Variants in ADAM28 observed in about 807,000 individuals in gnomAD.
ADAM28 encodes ADAM metallopeptidase domain 28, also known as disintegrin and metalloproteinase domain-containing protein 28.
ADAM28 carries 105 observed loss-of-function variants against 101.2 expected under a neutral mutation model. That is an observed-to-expected ratio of 1.04 (90% CI 0.89 to 1.22). The LOEUF is 1.22. Among genes scored for constraint, ADAM28 ranks in the 50% most tolerant of loss-of-function variants. The pLI is 0.00. For missense variants in ADAM28, 1,028 were observed against 945.4 expected (o/e 1.09, Z -1.15); for synonymous variants, 322 against 310.6 (o/e 1.04, Z -0.39).
intron 2 of ADAM28, among the ~76,000 whole-genome samples, chr8:24,302,587 GC>G (rs1808931839): frequency 6.6e-6 from 1 of 152,122 alleles, no homozygotes; most frequent in African/African-American, 2.4e-5. Flanking sequence ...TTTCTCCACA[GC>G]CTTGCCAGCA....
At chr8:24,297,313 A>C (rs1202391575) in intron 1 of ADAM28, among the ~76,000 whole-genome samples, 1 of 152,200 alleles carries the variant, frequency 6.6e-6, no homozygotes, top group Non-Finnish European at 1.5e-5. Flanking sequence ...TAATTTCATG[A>C]AACATTGGGA....
At chr8:24,306,001 G>C (rs1809556079) in intron 2 of ADAM28, among the ~76,000 whole-genome samples, 1 of 152,104 alleles carries the variant, frequency 6.6e-6, no homozygotes, top group African/African-American at 2.4e-5. Context: ...AAAACCGCAT[G>C]ACAGGGTTGC....
rs6996616 is a variant in ADAM28, at chr8:24,313,538, C to G, written c.534C>G (p.His178Gln). The stretch of plus-strand genomic sequence containing the variant: ...GGATGGATGGTGTGTTGTGGGCCCA[C>G]GATTTGCAGCAGAACATTGCCCTAC... ...TCGMDGVLWAHDLQQNIALPA... is the reference protein window; with the variant it reads ...TCGMDGVLWAQDLQQNIALPA... Residue 178 changes from histidine to glutamine, a missense_variant, in exon 6 of 23, where the codon CAC becomes CAG. By Grantham distance (24) the His-to-Gln change is conservative (BLOSUM62 0). Coordinates refer to ENST00000265769, the MANE Select transcript of ADAM28 (RefSeq NM_014265.6). The G allele has an allele frequency of 1.9e-6, 3 of 1,613,360 alleles. No homozygotes were observed. The highest frequency in any genetic ancestry group is 1.7e-6 in the Non-Finnish European group (2 of 1,179,736).
At chr8:24,308,993 T>C (rs532090615) in intron 2 of ADAM28, among the ~76,000 whole-genome samples, 65 of 152,312 alleles carry the variant, frequency 4.3e-4, no homozygotes, top group African/African-American at 1.4e-3. Context: ...TATTTAGATA[T>C]CTTTAATGAC....
At position 24,324,019 on chromosome 8, in the gene ADAM28, C is replaced by G. The variant is rs527534578; in HGVS notation, c.890+16C>G. Reference sequence around the variant, plus strand: ...AGTTAATCACGTATGTACAGATTTTCTCCCATTGCACACTATGTGGTATTT... The same window carrying G: ...AGTTAATCACGTATGTACAGATTTTGTCCCATTGCACACTATGTGGTATTT... On this transcript the variant is annotated intron_variant, in intron 9 of 22. Coordinates refer to ENST00000265769, the MANE Select transcript of ADAM28 (RefSeq NM_014265.6). 27 of 1,610,058 alleles carry G rather than the reference C, an allele frequency of 1.7e-5. No individual in the cohort carries two copies. Among genetic ancestry groups the G allele is most frequent in the Middle Eastern group, 3.3e-4 (2 of 6,026 alleles).
Position 24,341,580 on chromosome 8 carries a change from T to C in ADAM28, c.1671-18T>C. 1 of 1,607,654 alleles carries C rather than the reference T, an allele frequency of 6.2e-7. No homozygotes were observed. The highest frequency in any genetic ancestry group is 8.5e-7 in the Non-Finnish European group (1 of 1,175,944). On this transcript the variant is annotated intron_variant, in intron 15 of 22. Coordinates refer to ENST00000265769, the MANE Select transcript of ADAM28 (RefSeq NM_014265.6). ...ACTGCAATTTGAATCCTGCAATACA[T>C]TTTGGCTTTTTCCTCAGTGATACCA...
intron 2 of ADAM28, 60 bp downstream of exon 2, chr8:24,300,137 A>C (rs547535984): frequency 1.7e-5 from 22 of 1,316,532 alleles, no homozygotes; most frequent in Admixed American, 5.8e-5. Flanking sequence ...ACACATATAT[A>C]TATCTATCTA....
chr8:24,307,795 T>G (rs1040411601), intron 2 of ADAM28, among the ~76,000 whole-genome samples: 1 of 152,200 alleles, frequency 6.6e-6, no homozygotes, highest in South Asian at 2.1e-4. Flanking sequence ...CATCTTGGTA[T>G]TGGCCCATGT....
intron 8 of ADAM28, 69 bp downstream of exon 8, chr8:24,321,358 A>G: frequency 1.6e-6 from 2 of 1,264,484 alleles, no homozygotes; most frequent in Non-Finnish European, 2.3e-6. Context: ...TTTTCAATGA[A>G]CGCACATGAA....
Position 24,313,472 on chromosome 8 carries a change from C to T in ADAM28, c.468C>T (p.Phe156=), listed in dbSNP as rs147732356. 7.4e-5 allele frequency: 120 copies of T among 1,613,880 alleles called. No homozygotes were observed. The East Asian group carries it at 2.3e-3, about 31-fold the overall frequency. ...IHRDGQEHAL[F]KYNPDEKNYD... is the part of the protein sequence containing the mutation. ...GGGATGGACAGGAGCATGCACTCTTCAAGTATAACCCTGATGAAAAGAATT... is the reference window on the plus strand; with the variant it reads ...GGGATGGACAGGAGCATGCACTCTTTAAGTATAACCCTGATGAAAAGAATT... The change falls in exon 6 of 23, where the codon TTC becomes TTT. Residue 156 remains phenylalanine (F), a synonymous_variant. Coordinates refer to ENST00000265769, the MANE Select transcript of ADAM28 (RefSeq NM_014265.6).
intron 18 of ADAM28, among the ~76,000 whole-genome samples, chr8:24,348,218 T>C (rs1005898854): frequency 6.6e-6 from 1 of 152,140 alleles, no homozygotes; most frequent in African/African-American, 2.4e-5. Context: ...TTTGCTTTTT[T>C]AAAAAAATAA....
At chr8:24,343,631 C>T (rs1288217235) in intron 18 of ADAM28, 47 bp downstream of exon 18, 1 of 1,544,626 alleles carries the variant, frequency 6.5e-7, no homozygotes, top group East Asian at 2.3e-5. Flanking sequence ...TCTCCTCTTC[C>T]AAGCCTTTAT....
intron 18 of ADAM28, among the ~76,000 whole-genome samples, chr8:24,345,856 G>A (rs899332101): frequency 2.6e-5 from 4 of 152,214 alleles, no homozygotes; most frequent in Admixed American, 2.6e-4. Context: ...GGATAAGGAG[G>A]TAGCTGGAGA....
intron 18 of ADAM28, among the ~76,000 whole-genome samples, chr8:24,348,263 G>T (rs1815652878): frequency 6.6e-6 from 1 of 151,986 alleles, no homozygotes; most frequent in Non-Finnish European, 1.5e-5. Context: ...GCAGTTTTGG[G>T]TTCACAGCGA....
intron 10 of ADAM28, among the ~76,000 whole-genome samples, chr8:24,328,354 ATAATGTTC>A (rs1196899054): frequency 2.0e-5 from 3 of 151,946 alleles, no homozygotes; most frequent in African/African-American, 7.2e-5. Context: ...TAGTGTAAGA[ATAATGTTC>A]TTTCCAGCTT....
intron 13 of ADAM28, 88 bp downstream of exon 13, chr8:24,332,837 G>A: frequency 1.5e-6 from 1 of 686,450 alleles, no homozygotes; most frequent in African/African-American, 1.9e-5. Flanking sequence ...AATAAGCAAT[G>A]CAATATTTTT....
chr8:24,327,342 G>A (rs1370974441), intron 10 of ADAM28, among the ~76,000 whole-genome samples: 1 of 151,898 alleles, frequency 6.6e-6, no homozygotes, highest in Non-Finnish European at 1.5e-5. Context: ...GGGATATGAA[G>A]GACCTCTTCA....
intron 16 of ADAM28, 128 bp downstream of exon 16, chr8:24,341,885 A>G (rs2129327571): frequency 9.1e-7 from 1 of 1,102,428 alleles, no homozygotes; most frequent in African/African-American, 1.6e-5. Flanking sequence ...CCTTAATAGA[A>G]CCCACAGAGT....
chr8:24,308,844 C>A, intron 2 of ADAM28: 1 of 373,250 alleles, frequency 2.7e-6, no homozygotes, highest in Non-Finnish European at 5.3e-6. Flanking sequence ...TTCTAACATG[C>A]CTTGTCTGTC....
Sources: allele counts gnomAD v4.1 joint callset (sites outside exome capture counted in the v4.1 genomes callset), GRCh38; gene constraint gnomAD v4.1.1; transcripts MANE v1.5; gene names NCBI Gene and HGNC (gene_info 2026-07-23, HGNC 2026-07-21).